The following RELN variants were observed in gnomAD, a reference collection of about 807,000 sequenced individuals.
The protein encoded by RELN is reelin.
RELN carries 108 observed loss-of-function variants against 427.6 expected under a neutral mutation model. The observed-to-expected ratio is 0.25, with a 90% CI of 0.22 to 0.30. The LOEUF is 0.30. RELN is among the 10% of genes least tolerant of loss of function. RELN has a pLI of 1.00. For synonymous variants in RELN, 1,524 were observed against 1,513.4 expected, an observed-to-expected ratio of 1.01 and a Z score of -0.16; for missense variants, 3,715 against 4,302.8, an observed-to-expected ratio of 0.86 and a Z score of 3.82.
intron 19 of RELN, among the ~76,000 whole-genome samples, chr7:103,633,146 A>G (rs1832507654): frequency 6.6e-6 from 1 of 152,134 alleles, no homozygotes; most frequent in Non-Finnish European, 1.5e-5. Context: ...AAATTATTTA[A>G]AATAGTTGAG....
chr7:103,945,272 C>T (rs968840407), intron 1 of RELN, among the ~76,000 whole-genome samples: 2 of 152,124 alleles, frequency 1.3e-5, no homozygotes, highest in African/African-American at 4.8e-5. Flanking sequence ...CAAAGAAATC[C>T]TGTCATTTTA....
intron 11 of RELN, among the ~76,000 whole-genome samples, chr7:103,664,531 G>A (rs1429846668): frequency 6.6e-6 from 1 of 152,170 alleles, no homozygotes; most frequent in African/African-American, 2.4e-5. Context: ...ATCTAGAAGT[G>A]GAGTTGCTGG....
chr7:103,779,934 G>A (rs1309119109), intron 3 of RELN, among the ~76,000 whole-genome samples: 1 of 152,138 alleles, frequency 6.6e-6, no homozygotes, highest in Non-Finnish European at 1.5e-5. Context: ...CACCATGTTG[G>A]CCAGGATGGT....
chr7:103,487,095 T>C (rs143940047), intron 60 of RELN, among the ~76,000 whole-genome samples: 4,998 of 152,290 alleles, frequency 0.033, 115 homozygotes, highest in African/African-American at 0.069. Flanking sequence ...GATGAGTTCA[T>C]GTCCTTTGCA....
chr7:103,656,518 A>C (rs1190997352), intron 12 of RELN, among the ~76,000 whole-genome samples: 1 of 152,054 alleles, frequency 6.6e-6, no homozygotes, highest in Non-Finnish European at 1.5e-5. Context: ...AGAACAGCTC[A>C]GTTTATGGGA....
intron 51 of RELN, among the ~76,000 whole-genome samples, chr7:103,507,876 C>T (rs1283720820): frequency 6.6e-6 from 1 of 152,158 alleles, no homozygotes; most frequent in East Asian, 1.9e-4. Context: ...CACAGAAATA[C>T]AAACTACCGT....
At chr7:103,771,525 C>G (rs1448036836) in intron 4 of RELN, among the ~76,000 whole-genome samples, 1 of 152,224 alleles carries the variant, frequency 6.6e-6, no homozygotes, top group Non-Finnish European at 1.5e-5. Context: ...AGGCCCCCTT[C>G]TCAGCAGGCT....
chr7:103,876,312 GA>G (rs1176322923), intron 2 of RELN, among the ~76,000 whole-genome samples: 2 of 152,088 alleles, frequency 1.3e-5, no homozygotes, highest in African/African-American at 4.8e-5. Flanking sequence ...TACACAAGGG[GA>G]GGCTCACACA....
intron 8 of RELN, among the ~76,000 whole-genome samples, chr7:103,716,613 C>T (rs1022969229): frequency 6.6e-6 from 1 of 152,124 alleles, no homozygotes; most frequent in Non-Finnish European, 1.5e-5. Context: ...CAATGTGGAA[C>T]AGTATGAAAT....
At chr7:103,887,424 G>T (rs1794747773) in intron 2 of RELN, among the ~76,000 whole-genome samples, 2 of 152,210 alleles carry the variant, frequency 1.3e-5, no homozygotes, top group African/African-American at 4.8e-5. Context: ...ATGAGTTGCA[G>T]AAGAGAGGGA....
At position 103,603,045 on chromosome 7, in the gene RELN, T is replaced by C. The variant is rs123714; in HGVS notation, c.3333+259A>G. Among the ~76,000 whole-genome samples, 108,872 of 151,942 alleles carry C rather than the reference T, an allele frequency of 0.72. 39,201 individuals are homozygous for C. The highest frequency in any genetic ancestry group is 0.76 in the African/African-American group (31,623 of 41,426). ...TGGCTGGAAATGAAGGAAAGGAAAG[T>C]AATGGTATTTAAATCAGGTACAGGA... On this transcript the variant is annotated intron_variant, in intron 24 of 64. Transcript: ENST00000428762. The surrounding 1 kb of genome is among the most constrained non-coding windows in gnomAD (Gnocchi z 4.3).
intron 6 of RELN, among the ~76,000 whole-genome samples, chr7:103,736,947 C>A (rs635245): frequency 6.6e-6 from 1 of 151,798 alleles, no homozygotes; most frequent in Non-Finnish European, 1.5e-5. Context: ...AGAGGAAACT[C>A]AGAGAAGAGT....
chr7:103,670,755 T>C (rs1000372840), intron 11 of RELN, among the ~76,000 whole-genome samples: 2 of 152,090 alleles, frequency 1.3e-5, no homozygotes, highest in African/African-American at 4.8e-5. Context: ...TATAGGTTGA[T>C]GAAAATATTA....
chr7:103,792,380 A>G (rs1365635345), intron 3 of RELN, among the ~76,000 whole-genome samples: 1 of 152,214 alleles, frequency 6.6e-6, no homozygotes, highest in African/African-American at 2.4e-5. Flanking sequence ...ACGGAATATT[A>G]TTCAACCATA....
chr7:103,540,126 C>A (rs186183262), intron 44 of RELN, 71 bp downstream of exon 44: 1 of 1,575,800 alleles, frequency 6.3e-7, no homozygotes, highest in East Asian at 2.2e-5. Context: ...GCAGGTTGAA[C>A]TAAATGCCTT....
Position 103,482,862 on chromosome 7 carries a change from T to C in RELN, c.10280+11A>G, listed in dbSNP as rs200062707. 6.3e-5 allele frequency: 102 copies of C among 1,613,880 alleles called. No individual in the cohort carries two copies. The South Asian group carries it at 9.0e-4, about 14-fold the overall frequency. On this transcript the variant is annotated intron_variant, in intron 63 of 64. Transcript: ENST00000428762. ...GAAATGGACATGGGATGCCATGTAA[T>C]AGATACTCACAGGACGACCTCCACA...
At chr7:103,532,292 G>A (rs1321381236) in intron 46 of RELN, among the ~76,000 whole-genome samples, 1 of 152,106 alleles carries the variant, frequency 6.6e-6, no homozygotes, top group African/African-American at 2.4e-5. Flanking sequence ...GGGCTTGTTG[G>A]AAAGTGGGGA....
chr7:103,883,649 A>G (rs1014647067), intron 2 of RELN, among the ~76,000 whole-genome samples: 3 of 152,240 alleles, frequency 2.0e-5, no homozygotes, highest in Non-Finnish European at 4.4e-5. Flanking sequence ...AAAGACAAAC[A>G]GAGAGTCAAA....
intron 1 of RELN, among the ~76,000 whole-genome samples, chr7:103,937,168 A>G (rs1405960112): frequency 6.6e-6 from 1 of 152,238 alleles, no homozygotes; most frequent in African/African-American, 2.4e-5. Context: ...AATATCTGAC[A>G]GAAGTGGGCA....
Sources: gnomAD v4.1 joint callset for allele counts (sites outside exome capture counted in the v4.1 genomes callset) on GRCh38, gnomAD v4.1.1 for gene constraint, Gnocchi (gnomAD v3.1) non-coding constraint, MANE v1.5 for transcripts, NCBI Gene and HGNC (gene_info 2026-07-23, HGNC 2026-07-21) for gene names.